Variants in XYLB observed in about 807,000 individuals in gnomAD.
XYLB encodes xylulokinase, also known as xylulose kinase.
A neutral mutation model predicts 78.7 loss-of-function variants in XYLB; 62 were observed. The ratio of observed to expected loss-of-function variants is 0.79; its 90% CI spans 0.64 to 0.97. The LOEUF is 0.97. Among genes scored for constraint, XYLB ranks in the 50% least tolerant of loss-of-function variants. XYLB has a pLI of 0.00. For missense variants in XYLB, 687 were observed against 676.8 expected, an observed-to-expected ratio of 1.02 and a Z score of -0.17; for synonymous variants, 245 against 247.4, an observed-to-expected ratio of 0.99 and a Z score of 0.09.
chr3:38,360,193 G>A, intron 2 of XYLB, 146 bp from the exon 3 acceptor site: 2 of 769,096 alleles, frequency 2.6e-6, no homozygotes, highest in Middle Eastern at 2.3e-4. Flanking sequence ...CCTCGTGCCT[G>A]TTCAATCAAC....
chr3:38,380,232 C>T (rs920381823), intron 15 of XYLB, among the ~76,000 whole-genome samples: 2 of 152,138 alleles, frequency 1.3e-5, no homozygotes, highest in South Asian at 4.2e-4. Flanking sequence ...GGAGGGGACA[C>T]ATATTCAAAC....
chr3:38,387,520 G>A (rs945665432), intron 15 of XYLB, among the ~76,000 whole-genome samples: 6 of 152,052 alleles, frequency 3.9e-5, no homozygotes, highest in Middle Eastern at 3.4e-3. Flanking sequence ...ACAGGCAAGC[G>A]CCACCACATC....
At chr3:38,359,635 T>C (rs1705861410) in intron 2 of XYLB, among the ~76,000 whole-genome samples, 1 of 152,238 alleles carries the variant, frequency 6.6e-6, no homozygotes, top group African/African-American at 2.4e-5. Flanking sequence ...TCTGTTCACT[T>C]GTTTAGGGAC....
the XYLB span, among the ~76,000 whole-genome samples, chr3:38,433,997 C>G: frequency 7.9e-5 from 12 of 152,066 alleles, no homozygotes; most frequent in African/African-American, 2.9e-4. Flanking sequence ...CTGGAGAGGC[C>G]TCAGGAAACT....
chr3:38,429,384 C>A, the XYLB span, among the ~76,000 whole-genome samples: 9 of 152,164 alleles, frequency 5.9e-5, no homozygotes. Context: ...GTAGGCATTG[C>A]CAATATGCAT....
chr3:38,422,315 C>G (rs1455269359), downstream of XYLB, among the ~76,000 whole-genome samples: 1 of 152,166 alleles, frequency 6.6e-6, no homozygotes, highest in Non-Finnish European at 1.5e-5. Flanking sequence ...GTGTATAGCA[C>G]AACTCCTGAT....
rs1209381513 is a variant in XYLB at position 38,375,266 on chromosome 3, T to C, written c.1004+7T>C. On this transcript the variant is annotated splice_region_variant and intron_variant, in intron 12 of 18. Transcript: ENST00000207870. The stretch of plus-strand genomic sequence containing the variant: ...ACTACATGGCACTCCTGTGGTGAGC[T>C]TGGGTGTTGGTTGGCACCATTCCCT... 5 of 1,613,242 alleles carry C rather than the reference T, an allele frequency of 3.1e-6. No individual in the cohort carries two copies. Among genetic ancestry groups the C allele is most frequent in the Non-Finnish European group, 3.4e-6 (4 of 1,179,376 alleles).
chr3:38,365,820 C>A, intron 6 of XYLB, 84 bp downstream of exon 6: 1 of 1,479,464 alleles, frequency 6.8e-7, no homozygotes, highest in African/African-American at 1.4e-5. Context: ...CTGGGGGGAT[C>A]ACATGAGGTC....
chr3:38,378,190 G>T (rs1029568001), intron 14 of XYLB, among the ~76,000 whole-genome samples: 2 of 152,218 alleles, frequency 1.3e-5, no homozygotes, highest in African/African-American at 4.8e-5. Context: ...TCTGATGGAG[G>T]ATCAGTTTGG....
At chr3:38,452,230 A>G in the XYLB span, 1 of 152,110 alleles carries the variant, frequency 6.6e-6, no homozygotes, top group Admixed American at 6.5e-5. Flanking sequence ...CTTAGATAAT[A>G]AGTCACCTGT....
chr3:38,373,128 G>T (rs569290085), intron 10 of XYLB, among the ~76,000 whole-genome samples: 55 of 152,216 alleles, frequency 3.6e-4, no homozygotes, highest in African/African-American at 1.1e-3. Context: ...ATGGTTTTAA[G>T]TCTCTGCCCT....
At chr3:38,431,731 G>A in the XYLB span, among the ~76,000 whole-genome samples, 2 of 152,114 alleles carry the variant, frequency 1.3e-5, no homozygotes, top group South Asian at 2.1e-4. Flanking sequence ...TTTCCCCTAA[G>A]GCTGGGGAGG....
intron 2 of XYLB, among the ~76,000 whole-genome samples, chr3:38,351,983 CAT>C (rs983674081): frequency 2.0e-5 from 3 of 152,132 alleles, no homozygotes; most frequent in Admixed American, 6.5e-5. Context: ...ATGAGAGTCA[CAT>C]ACAAGTCTTT....
intron 12 of XYLB, 62 bp downstream of exon 12, chr3:38,375,321 C>G (rs201120859): frequency 9.9e-6 from 14 of 1,420,028 alleles, no homozygotes; most frequent in Non-Finnish European, 9.9e-6. Context: ...GGTCTGGCAC[C>G]ATCTTGAGGA....
At chr3:38,389,024 G>T (rs1707525076) in intron 15 of XYLB, among the ~76,000 whole-genome samples, 1 of 149,558 alleles carries the variant, frequency 6.7e-6, no homozygotes, top group Non-Finnish European at 1.5e-5. Context: ...GGACAATAGT[G>T]GAGGGAAGGT....
intron 3 of XYLB, among the ~76,000 whole-genome samples, chr3:38,361,901 G>T (rs1369726131): frequency 2.0e-5 from 3 of 152,190 alleles, no homozygotes; most frequent in African/African-American, 7.2e-5. Flanking sequence ...CTGCCCTCAG[G>T]AAAACACAGG....
intron 15 of XYLB, among the ~76,000 whole-genome samples, chr3:38,381,036 C>T (rs1032672036): frequency 1.3e-5 from 2 of 152,052 alleles, no homozygotes; most frequent in Non-Finnish European, 2.9e-5. Context: ...TTTGGGAGGC[C>T]GAGGCAGGTG....
the XYLB span, among the ~76,000 whole-genome samples, chr3:38,434,480 T>C: frequency 3.3e-4 from 51 of 152,340 alleles, no homozygotes; most frequent in African/African-American, 1.1e-3. Flanking sequence ...AAGTTACCCT[T>C]CATAAATGAA....
chr3:38,410,474 G>T, intron 18 of XYLB, among the ~76,000 whole-genome samples: 1 of 151,862 alleles, frequency 6.6e-6, no homozygotes, highest in Middle Eastern at 3.2e-3. Context: ...AGAGGCATGG[G>T]CAAGGACTTC....
Sources: allele counts gnomAD v4.1 joint callset (sites outside exome capture counted in the v4.1 genomes callset), GRCh38; gene constraint gnomAD v4.1.1; transcripts MANE v1.5; gene names NCBI Gene and HGNC (gene_info 2026-07-23, HGNC 2026-07-21).